The following TENM2 variants were observed in gnomAD, a reference collection of about 807,000 sequenced individuals.
TENM2 encodes teneurin transmembrane protein 2, also known as teneurin-2.
TENM2 carries 52 observed loss-of-function variants against 245.2 expected under a neutral mutation model. The observed-to-expected ratio is 0.21, with a 90% CI of 0.17 to 0.27. TENM2 has a LOEUF of 0.27. Among genes scored for constraint, TENM2 ranks in the 10% least tolerant of loss-of-function variants. The probability of loss-of-function intolerance (pLI) is 1.00; values close to 1 mark genes in which losing one functional copy is unlikely to be tolerated. For missense variants in TENM2, 3,046 were observed against 3,666.8 expected, an observed-to-expected ratio of 0.83 and a Z score of 4.37; for synonymous variants, 1,363 against 1,438.9, an observed-to-expected ratio of 0.95 and a Z score of 1.19.
chr5:167,495,388 C>T (rs1280419330), intron 2 of TENM2, among the ~76,000 whole-genome samples: 3 of 151,934 alleles, frequency 2.0e-5, no homozygotes, highest in Non-Finnish European at 4.4e-5. Flanking sequence ...CCTTCTTCAA[C>T]ATAGTCTCCA....
At chr5:167,567,486 C>A (rs949768426) in intron 2 of TENM2, among the ~76,000 whole-genome samples, 4 of 152,142 alleles carry the variant, frequency 2.6e-5, no homozygotes, top group African/African-American at 9.7e-5. Flanking sequence ...CTAGAAGAGA[C>A]CCTATAGAAT....
the TENM2 span, among the ~76,000 whole-genome samples, chr5:167,215,431 A>C: frequency 3.3e-5 from 5 of 152,218 alleles, no homozygotes; most frequent in Non-Finnish European, 7.3e-5. Context: ...TCCAGGCTCC[A>C]TAAAGTGAAC....
chr5:167,065,643 A>C, the TENM2 span, among the ~76,000 whole-genome samples: 1 of 152,260 alleles, frequency 6.6e-6, no homozygotes, highest in Admixed American at 6.5e-5. Flanking sequence ...GTGTTGATAA[A>C]TAGAAGTCCA....
intron 2 of TENM2, among the ~76,000 whole-genome samples, chr5:167,680,804 C>T (rs1756657085): frequency 6.6e-6 from 1 of 152,112 alleles, no homozygotes; most frequent in African/African-American, 2.4e-5. Flanking sequence ...TTGCTAGATC[C>T]CCTGTGTAAC....
At chr5:167,779,337 G>T (rs1048586152) in intron 2 of TENM2, among the ~76,000 whole-genome samples, 3 of 152,188 alleles carry the variant, frequency 2.0e-5, no homozygotes, top group African/African-American at 7.2e-5. Context: ...TTTAGCGACT[G>T]CAACCAAGAA....
chr5:167,515,074 A>C (rs890120058), intron 2 of TENM2, among the ~76,000 whole-genome samples: 2 of 152,186 alleles, frequency 1.3e-5, no homozygotes, highest in Non-Finnish European at 2.9e-5. Flanking sequence ...AACCTGAGCC[A>C]TCAAGTTCAT....
intron 1 of TENM2, among the ~76,000 whole-genome samples, chr5:167,363,248 A>G (rs527490494): frequency 1.3e-5 from 2 of 152,346 alleles, no homozygotes; most frequent in Admixed American, 1.3e-4. Context: ...GGCTTAGAGC[A>G]ACAAGGACAT....
At chr5:167,730,777 T>C (rs1045464367) in intron 2 of TENM2, among the ~76,000 whole-genome samples, 1 of 152,182 alleles carries the variant, frequency 6.6e-6, no homozygotes, top group African/African-American at 2.4e-5. Flanking sequence ...AACTCTGATA[T>C]CTTAAAAGGC....
chr5:167,349,972 T>C (rs1163388906), intron 1 of TENM2, among the ~76,000 whole-genome samples: 1 of 152,220 alleles, frequency 6.6e-6, no homozygotes, highest in Non-Finnish European at 1.5e-5. Flanking sequence ...TCAGAGTTTT[T>C]AAATTTATAG....
chr5:167,322,066 A>G (rs949862742), intron 1 of TENM2, among the ~76,000 whole-genome samples: 2 of 151,654 alleles, frequency 1.3e-5, no homozygotes, highest in African/African-American at 2.4e-5. Flanking sequence ...TCCTGACCTC[A>G]AGTGATCTGC....
chr5:168,135,422 A>C (rs1339034993), intron 12 of TENM2, among the ~76,000 whole-genome samples: 1 of 152,102 alleles, frequency 6.6e-6, no homozygotes, highest in Non-Finnish European at 1.5e-5. Flanking sequence ...GCTTGCTGTT[A>C]TTGCCTTTGG....
intron 2 of TENM2, among the ~76,000 whole-genome samples, chr5:167,652,544 G>A (rs1463447455): frequency 2.0e-5 from 3 of 151,900 alleles, no homozygotes; most frequent in Non-Finnish European, 4.4e-5. Flanking sequence ...TTGAATATCT[G>A]GTCAGTATGT....
the TENM2 span, among the ~76,000 whole-genome samples, chr5:167,119,212 A>G: frequency 6.6e-6 from 1 of 152,242 alleles, no homozygotes; most frequent in African/African-American, 2.4e-5. Flanking sequence ...TGCCTGCAAC[A>G]TAACTTTGAA....
chr5:167,138,951 G>A, the TENM2 span, among the ~76,000 whole-genome samples: 1 of 152,124 alleles, frequency 6.6e-6, no homozygotes, highest in African/African-American at 2.4e-5. Flanking sequence ...TGGTTTCTGG[G>A]AAAGACAGAT....
chr5:167,434,969 A>G (rs1764457584), intron 2 of TENM2, among the ~76,000 whole-genome samples: 1 of 152,242 alleles, frequency 6.6e-6, no homozygotes, highest in African/African-American at 2.4e-5. Flanking sequence ...AATTAACAAA[A>G]TAGCAGATAG....
intron 3 of TENM2, among the ~76,000 whole-genome samples, chr5:167,890,322 G>A (rs150803569): frequency 5.5e-4 from 84 of 152,186 alleles, no homozygotes; most frequent in African/African-American, 2.0e-3. Context: ...TCCTCCCAAA[G>A]GGAGGAAACT....
At chr5:167,430,504 G>A (rs1764151419) in intron 2 of TENM2, among the ~76,000 whole-genome samples, 1 of 152,066 alleles carries the variant, frequency 6.6e-6, no homozygotes, top group Admixed American at 6.6e-5. Context: ...TGAGATTCCT[G>A]GCATTTGGGC....
chr5:168,262,714 G>A, exon 29 of TENM2: 2 of 1,611,300 alleles, frequency 1.2e-6, no homozygotes, highest in Non-Finnish European at 1.7e-6. Context: ...AAGGGTACGA[G>A]GGATATTACG....
At chr5:167,500,216 G>A (rs952220441) in intron 2 of TENM2, among the ~76,000 whole-genome samples, 9 of 152,062 alleles carry the variant, frequency 5.9e-5, no homozygotes, top group Non-Finnish European at 1.0e-4. Context: ...GAGAGCAGAC[G>A]TGGCAGAGTT....
Sources: allele counts gnomAD v4.1 joint callset (sites outside exome capture counted in the v4.1 genomes callset), GRCh38; gene constraint gnomAD v4.1.1; transcripts MANE v1.5; gene names NCBI Gene and HGNC (gene_info 2026-07-23, HGNC 2026-07-21).